The following HELB variants were observed in gnomAD, a reference collection of about 807,000 sequenced individuals.
HELB encodes the protein DNA 5'-3' helicase B.
Under a neutral mutation model 101.7 loss-of-function variants are expected in HELB, and 96 were observed. The ratio of observed to expected loss-of-function variants is 0.94; its 90% CI spans 0.80 to 1.12. HELB has a LOEUF of 1.12. HELB is among the 50% of genes most tolerant of loss of function. The pLI is 0.00. For missense variants in HELB, 1,210 were observed against 1,291.9 expected (o/e 0.94, Z 0.97); for synonymous variants, 437 against 459.7 (o/e 0.95, Z 0.63).
rs749873732 is a variant in HELB, at chr12:66,306,477, T to C, written c.740T>C (p.Ile247Thr). Residue 247 changes from isoleucine (I) to threonine (T), a missense_variant, in exon 3 of 13, where the codon ATT becomes ACT. By Grantham distance (89) the Ile-to-Thr change is moderately conservative (BLOSUM62 -1). Around this residue, in one of 2 missense-constraint regions of HELB, gnomAD observed 470 missense variants for 563.1 expected, o/e 0.83. Coordinates refer to ENST00000247815, the MANE Select transcript of HELB (RefSeq NM_001370285.1). ...SKEMLKEIEE[I>T]LGTHPWKLGF... ...GAGATGTTGAAAGAGATAGAAGAGATTTTAGGTACACATCCGTGGAAACTT... is the reference window on the plus strand; with the variant it reads ...GAGATGTTGAAAGAGATAGAAGAGACTTTAGGTACACATCCGTGGAAACTT... 3 of 1,601,654 alleles carry C rather than the reference T, an allele frequency of 1.9e-6. No homozygotes were observed. Among genetic ancestry groups the C allele is most frequent in the Non-Finnish European group, 2.6e-6 (3 of 1,174,390 alleles).
intron 1 of HELB, among the ~76,000 whole-genome samples, chr12:66,304,426 G>A (rs1305180903): frequency 6.6e-6 from 1 of 152,226 alleles, no homozygotes; most frequent in African/African-American, 2.4e-5. Flanking sequence ...ATTGGCTGAA[G>A]TCAAGAGTAG....
chr12:66,334,643 G>A (rs966054049), intron 12 of HELB, among the ~76,000 whole-genome samples: 1 of 151,966 alleles, frequency 6.6e-6, no homozygotes, highest in Admixed American at 6.6e-5. Flanking sequence ...GCTGGGGGTG[G>A]TGCTGGGTGC....
intron 1 of HELB, among the ~76,000 whole-genome samples, chr12:66,303,107 T>TAAAAA (rs34264841): frequency 0.051 from 6,549 of 127,588 alleles, 395 homozygotes; most frequent in East Asian, 0.19. Flanking sequence ...TTTTTTTTTT[T>TAAAAA]AAAATTATTC....
chr12:66,340,034 G>T (rs2053905900), downstream of HELB: 1 of 152,090 alleles, frequency 6.6e-6, no homozygotes, highest in Admixed American at 6.6e-5. Context: ...CATTTATTTG[G>T]GTTATTTCCT....
At chr12:66,335,435 G>C (rs1244137816) in intron 12 of HELB, among the ~76,000 whole-genome samples, 1 of 152,150 alleles carries the variant, frequency 6.6e-6, no homozygotes, top group Non-Finnish European at 1.5e-5. Flanking sequence ...GGGAATAAAA[G>C]CCTGGACTGA....
rs990306818 is a variant in HELB at position 66,327,926 on chromosome 12, A to G, written c.2670+2800A>G. ...ATATAAGCCTCATTGAGAAGATAAC[A>G]TTTTATCCAAAGATTTGAAGAAGGA... On this transcript the variant is annotated intron_variant, in intron 11 of 12. Transcript: ENST00000247815. Among the ~76,000 whole-genome samples, 44 of 152,326 alleles carry G rather than the reference A, an allele frequency of 2.9e-4. 1 individual carries two copies. The highest frequency in any genetic ancestry group is 9.6e-4 in the East Asian group (5 of 5,188).
intron 4 of HELB, among the ~76,000 whole-genome samples, chr12:66,311,752 A>G (rs1437566916): frequency 1.3e-5 from 2 of 152,360 alleles, no homozygotes; most frequent in East Asian, 3.9e-4. Context: ...CTTGAAAAAA[A>G]TAGTATTGGC....
chr12:66,334,290 A>G (rs920678060), intron 12 of HELB, among the ~76,000 whole-genome samples: 12 of 152,082 alleles, frequency 7.9e-5, no homozygotes, highest in African/African-American at 2.9e-4. Context: ...GTGAGATTCC[A>G]TCTCTACAAA....
intron 5 of HELB, among the ~76,000 whole-genome samples, chr12:66,314,947 A>C (rs1027604557): frequency 6.6e-6 from 1 of 150,390 alleles, no homozygotes; most frequent in Admixed American, 6.6e-5. Flanking sequence ...TCAGTAAGAC[A>C]TTGAACATGA....
chr12:66,320,267 C>A (rs1565640664), intron 7 of HELB, among the ~76,000 whole-genome samples: 1 of 152,054 alleles, frequency 6.6e-6, no homozygotes, highest in Non-Finnish European at 1.5e-5. Context: ...ATTTTCCTTT[C>A]TCTTCTTCCC....
At position 66,331,497 on chromosome 12, in the gene HELB, C is replaced by T. The variant is rs781585272; in HGVS notation, c.3014C>T (p.Ser1005Leu). The T allele has an allele frequency of 4.0e-5, 64 of 1,614,046 alleles. No individual in the cohort carries two copies. Among genetic ancestry groups the T allele is most frequent in the Admixed American group, 8.3e-5 (5 of 60,000 alleles). The change falls in exon 12 of 13, where the codon TCG becomes TTG. Residue 1005 changes from serine (S) to leucine (L), a missense_variant. Coordinates refer to ENST00000247815, the MANE Select transcript of HELB (RefSeq NM_001370285.1). ...GATGTCACCTGGAGCGAGGCCTCTTCGCCTGATGAGAGGACACTCACCTTT... is the reference window on the plus strand; with the variant it reads ...GATGTCACCTGGAGCGAGGCCTCTTTGCCTGATGAGAGGACACTCACCTTT... ...TNDVTWSEAS[S>L]PDERTLTFAE... is the part of the protein sequence containing the mutation.
intron 3 of HELB, among the ~76,000 whole-genome samples, 199 bp downstream of exon 3, chr12:66,306,713 TTGTTATGCA>T (rs2053480801): frequency 6.6e-6 from 1 of 152,184 alleles, no homozygotes; most frequent in African/African-American, 2.4e-5. Flanking sequence ...ATTTTATAAG[TTGTTATGCA>T]ACTTGTAAAG....
rs950503069 is a variant in HELB, at chr12:66,322,019, G to C, written c.2227G>C (p.Ala743Pro). The change falls in exon 8 of 13, where the codon GCA becomes CCA. Residue 743 changes from alanine to proline, a missense_variant. Physicochemically the swap from Ala to Pro is conservative, Grantham distance 27. This residue lies in a region of HELB where 740 missense variants were observed against 728.8 expected (regional missense o/e 1.02). Transcript: ENST00000247815. ...AAATGCAAAAACATCACAATTTATT[G>C]CATTTAGAAGGTAAAGCATTTATAA... Reference protein sequence around the residue: ...LQNAKTSQFIAFRRQDCDLIN... With the variant: ...LQNAKTSQFIPFRRQDCDLIN... 2 of 1,119,134 alleles carry C rather than the reference G, an allele frequency of 1.8e-6. No homozygotes were observed. Among genetic ancestry groups the C allele is most frequent in the Non-Finnish European group, 1.3e-6 (1 of 764,510 alleles). The allele number at this position is 1,119,134 out of a possible 1,614,324, so 69.3% of individuals were successfully genotyped here.
At chr12:66,333,879 T>A (rs1592649146) in intron 12 of HELB, among the ~76,000 whole-genome samples, 2 of 150,676 alleles carry the variant, frequency 1.3e-5, no homozygotes, top group East Asian at 4.1e-4. Flanking sequence ...TTAAACATAG[T>A]CCCAGCATGG....
chr12:66,330,384 G>C (rs2053791635), intron 11 of HELB, among the ~76,000 whole-genome samples: 1 of 151,880 alleles, frequency 6.6e-6, no homozygotes, highest in Non-Finnish European at 1.5e-5. Flanking sequence ...TCATCCATAG[G>C]CCTTCCATTT....
rs140299427 is a variant in HELB, at chr12:66,310,089, C to T, written c.1161C>T (p.Ala387=). Residue 387 remains alanine, a synonymous_variant, in exon 4 of 13, where the codon GCC becomes GCT. Transcript: ENST00000247815. ...HLCVDVEKVL[A]SIHTTKPENS... ...GTGTCGATGTCGAAAAGGTGCTTGC[C>T]TCTATTCACACCACAAAACCTGAGA... The T allele has an allele frequency of 2.5e-6, 4 of 1,614,046 alleles. No individual in the cohort carries two copies. The highest frequency in any genetic ancestry group is 3.4e-6 in the Non-Finnish European group (4 of 1,180,044).
At chr12:66,321,707 C>T (rs906464147) in intron 7 of HELB, 9 of 411,932 alleles carry the variant, frequency 2.2e-5, no homozygotes, top group African/African-American at 1.7e-4. Context: ...GGGAACTGTC[C>T]TGGCCAGGGG....
rs927887765 is a variant in HELB at position 66,328,868 on chromosome 12, C to A, written c.2671-2286C>A. 4.6e-5 allele frequency among the ~76,000 whole-genome samples: 7 copies of A among 151,882 alleles called. 1 individual carries two copies. The South Asian group carries it at 8.3e-4, about 18-fold the overall frequency. Reference sequence around the variant, plus strand: ...GGTATATTATTAACATTAATTCTATCCATTTCTTTTTTAATGAGACTACTA... The same window carrying A: ...GGTATATTATTAACATTAATTCTATACATTTCTTTTTTAATGAGACTACTA... On this transcript the variant is annotated intron_variant, in intron 11 of 12. Coordinates refer to ENST00000247815, the MANE Select transcript of HELB (RefSeq NM_001370285.1).
chr12:66,310,120 AG>A lies in HELB; in HGVS notation c.1193del (p.Ser398ThrfsTer5), dbSNP rs778130849. ...SIHTTKPENSSDDALNESKPD... is the reference protein window; with the variant it reads ...SIHTTKPENSXDDALNESKPD... The stretch of plus-strand genomic sequence containing the variant: ...TCACACCACAAAACCTGAGAATTCA[AG>A]CGATGATGCATTGAATGAGAGCAAA... On this transcript the variant is annotated frameshift_variant, in exon 4 of 13. Coordinates refer to ENST00000247815, the MANE Select transcript of HELB (RefSeq NM_001370285.1). LOFTEE classifies it high-confidence loss of function. The A allele has an allele frequency of 6.2e-7, 1 of 1,614,246 alleles. No individual in the cohort carries two copies. Among genetic ancestry groups the A allele is most frequent in the Non-Finnish European group, 8.5e-7 (1 of 1,180,040 alleles).
Sources: gnomAD v4.1 joint callset for allele counts (sites outside exome capture counted in the v4.1 genomes callset) on GRCh38, gnomAD v4.1.1 for gene constraint, gnomAD v4.1.1 regional missense constraint, MANE v1.5 for transcripts, NCBI Gene and HGNC (gene_info 2026-07-23, HGNC 2026-07-21) for gene names.